AFF4: variants seen among roughly 807,000 people sequenced by gnomAD.
AFF4 encodes the protein ALF transcription elongation factor 4.
AFF4 carries 13 observed loss-of-function variants against 124.8 expected under a neutral mutation model. The observed-to-expected ratio is 0.10, with a 90% confidence interval of 0.07 to 0.17. AFF4 has a LOEUF of 0.17. AFF4 is among the 10% of genes least tolerant of loss of function. The probability of loss-of-function intolerance (pLI) is 1.00; values close to 1 mark genes in which losing one functional copy is unlikely to be tolerated. For missense variants in AFF4, 1,092 were observed against 1,403.8 expected (o/e 0.78, Z 3.55); for synonymous variants, 477 against 496.1 (o/e 0.96, Z 0.51).
At chr5:132,910,533 C>T (rs1760771540) in intron 5 of AFF4, among the ~76,000 whole-genome samples, 1 of 152,120 alleles carries the variant, frequency 6.6e-6, no homozygotes. Context: ...AGTTAGTGCA[C>T]ATGGAGAGTA....
intron 1 of AFF4, among the ~76,000 whole-genome samples, chr5:132,955,255 TG>T (rs1201951167): frequency 1.3e-5 from 2 of 151,984 alleles, no homozygotes; most frequent in Non-Finnish European, 2.9e-5. Flanking sequence ...AGGGGCGTGG[TG>T]GGCCAGAGTG....
rs1303611776 is a variant in AFF4 at position 132,876,946 on chromosome 5, CTCT to C, written c.*4110_*4112del. On this transcript the variant is annotated 3_prime_UTR_variant, in exon 21 of 21. Coordinates refer to ENST00000265343, the MANE Select transcript of AFF4 (RefSeq NM_014423.4). ...ATATTCCAAGGTATTCAATAATTAT[CTCT>C]TCTATTAGTTTTACTGAATAGCAAC... 1.0e-5 allele frequency: 2 copies of C among 197,592 alleles called. No homozygotes were observed. The highest frequency in any genetic ancestry group is 1.0e-5 in the Non-Finnish European group (1 of 95,550). 12.2% of individuals were successfully genotyped at this position (197,592 alleles called of 1,614,324 possible). A position where few individuals can be genotyped will look rare whatever the true frequency, so the allele number is the denominator to read the frequency against.
At chr5:132,897,315 A>T in intron 10 of AFF4, 75 bp from the exon 11 acceptor site, 1 of 1,490,140 alleles carries the variant, frequency 6.7e-7, no homozygotes, top group Non-Finnish European at 9.1e-7. Flanking sequence ...TACAACCTCA[A>T]AGAAGAGGAA....
chr5:132,956,228 C>G (rs962791546), intron 1 of AFF4, among the ~76,000 whole-genome samples: 18 of 152,088 alleles, frequency 1.2e-4, no homozygotes, highest in Non-Finnish European at 2.4e-4. Context: ...GTCACAATTA[C>G]TAAATTCTGC....
intron 9 of AFF4, 32 bp from the exon 10 acceptor site, chr5:132,898,424 G>T: frequency 6.3e-7 from 1 of 1,591,416 alleles, no homozygotes. Context: ...AATGTCCAAA[G>T]TTTATTTTAC....
chr5:132,880,240 G>T lies in AFF4; in HGVS notation c.*819C>A. 1 of 398,950 alleles carries T rather than the reference G, an allele frequency of 2.5e-6. No individual in the cohort carries two copies. The highest frequency in any genetic ancestry group is 4.4e-6 in the Non-Finnish European group (1 of 226,006). The allele number at this position is 398,950 out of a possible 1,614,324, so 24.7% of individuals were successfully genotyped here. A position where few individuals can be genotyped will look rare whatever the true frequency, so the allele number is the denominator to read the frequency against. On this transcript the variant is annotated 3_prime_UTR_variant, in exon 21 of 21. Coordinates refer to ENST00000265343, the MANE Select transcript of AFF4 (RefSeq NM_014423.4). ...AATAAAATCCGTAACGTTCAGGATT[G>T]TCCTTTTATGAAACCCTTCAACATG...
chr5:132,929,477 A>G (rs1193608549), intron 4 of AFF4, among the ~76,000 whole-genome samples: 1 of 152,186 alleles, frequency 6.6e-6, no homozygotes, highest in Non-Finnish European at 1.5e-5. Flanking sequence ...CACTTTTTAT[A>G]TACATGGCAA....
intron 12 of AFF4, among the ~76,000 whole-genome samples, 166 bp from the exon 13 acceptor site, chr5:132,892,570 T>C (rs932815174): frequency 6.6e-6 from 1 of 152,190 alleles, no homozygotes; most frequent in African/African-American, 2.4e-5. Flanking sequence ...TCCATGAAGG[T>C]AGGCATCTTC....
chr5:132,931,741 A>C (rs1260434519), intron 4 of AFF4, among the ~76,000 whole-genome samples: 1 of 152,240 alleles, frequency 6.6e-6, no homozygotes, highest in African/African-American at 2.4e-5. Context: ...GGATCACCTG[A>C]GGTCAGGAGT....
chr5:132,963,286 A>G lies in AFF4; in HGVS notation c.-32T>C, dbSNP rs1468255193. 2.5e-6 allele frequency: 1 copy of G among 395,292 alleles called. No homozygotes were observed. The highest frequency in any genetic ancestry group is 4.4e-5 in the Admixed American group (1 of 22,618). The allele number at this position is 395,292 out of a possible 1,614,324, so 24.5% of individuals were successfully genotyped here. On this transcript the variant is annotated 5_prime_UTR_variant, in exon 1 of 21. Transcript: ENST00000265343. The stretch of plus-strand genomic sequence containing the variant: ...CCAGTCCCGGCTCCGCTAGGCCCGA[A>G]CCATCTCCTGGCTGCGGCAGTGGCG...
chr5:132,924,583 T>C (rs1394634213), intron 5 of AFF4, among the ~76,000 whole-genome samples: 1 of 152,174 alleles, frequency 6.6e-6, no homozygotes, highest in African/African-American at 2.4e-5. Flanking sequence ...CTGGGCGCGG[T>C]GGCTCACGCC....
chr5:132,936,469 GAC>G (rs1761434601), intron 2 of AFF4, among the ~76,000 whole-genome samples: 1 of 152,020 alleles, frequency 6.6e-6, no homozygotes, highest in Non-Finnish European at 1.5e-5. Flanking sequence ...TGATACTGAA[GAC>G]ACATTTATTC....
chr5:132,956,247 C>A (rs1761956124), intron 1 of AFF4, among the ~76,000 whole-genome samples: 1 of 152,082 alleles, frequency 6.6e-6, no homozygotes, highest in Non-Finnish European at 1.5e-5. Context: ...GCCATCACAG[C>A]AGCAAAAGCA....
chr5:132,918,716 T>C (rs1184607173), intron 5 of AFF4, among the ~76,000 whole-genome samples: 2 of 151,936 alleles, frequency 1.3e-5, no homozygotes, highest in African/African-American at 4.8e-5. Flanking sequence ...TACAAAACAA[T>C]ACTGAAAGAA....
chr5:132,950,238 G>A (rs1313921964), intron 1 of AFF4, among the ~76,000 whole-genome samples: 2 of 152,204 alleles, frequency 1.3e-5, no homozygotes, highest in African/African-American at 4.8e-5. Context: ...CACCTTGGGA[G>A]GCCGAGGCAG....
chr5:132,901,784 C>T (rs889802338), intron 7 of AFF4, among the ~76,000 whole-genome samples: 8 of 152,140 alleles, frequency 5.3e-5, no homozygotes, highest in African/African-American at 1.9e-4. Flanking sequence ...CAAAAACATA[C>T]ACATACAACT....
Position 132,896,728 on chromosome 5 carries a change from A to C in AFF4, c.1902T>G (p.Ser634Arg), listed in dbSNP as rs757512942. Residue 634 changes from serine (S) to arginine (R), a missense_variant, in exon 11 of 21, where the codon AGT becomes AGG. Ser to Arg is a moderately radical substitution (Grantham distance 110). Transcript: ENST00000265343. ...TTTCCCTTGATTTCTGGGAAGATTTACTTGTTGACTTATATTTCTTTTTCT... is the reference window on the plus strand; with the variant it reads ...TTTCCCTTGATTTCTGGGAAGATTTCCTTGTTGACTTATATTTCTTTTTCT... ...TAEKKKYKST[S>R]KSSQKSREII... 1.2e-6 allele frequency: 2 copies of C among 1,614,048 alleles called. No homozygotes were observed. The highest frequency in any genetic ancestry group is 1.7e-6 in the Non-Finnish European group (2 of 1,179,988).
At position 132,880,909 on chromosome 5, in the gene AFF4, T is replaced by C; in HGVS notation, c.*150A>G. 1.0e-6 allele frequency: 1 copy of C among 958,044 alleles called. No homozygotes were observed. Among genetic ancestry groups the C allele is most frequent in the Non-Finnish European group, 1.5e-6 (1 of 670,010 alleles). The allele number at this position is 958,044 out of a possible 1,614,324, so 59.3% of individuals were successfully genotyped here. ...AAAGGGCCAACTGACATGATCGCTT[T>C]GGATTATCAAAAACAACAACACATG... is the stretch of plus-strand genomic sequence containing the variant. On this transcript the variant is annotated 3_prime_UTR_variant, in exon 21 of 21. Transcript: ENST00000265343.
chr5:132,897,591 T>A (rs1760441263), intron 10 of AFF4, among the ~76,000 whole-genome samples: 1 of 151,774 alleles, frequency 6.6e-6, no homozygotes, highest in African/African-American at 2.4e-5. Context: ...ACGCCTGTAA[T>A]CCCAGCTACT....
Sources: gnomAD v4.1 joint callset for allele counts (sites outside exome capture counted in the v4.1 genomes callset) on GRCh38, gnomAD v4.1.1 for gene constraint, MANE v1.5 for transcripts, NCBI Gene and HGNC (gene_info 2026-07-23, HGNC 2026-07-21) for gene names.